The following MECOM variants were observed in gnomAD, a reference collection of about 807,000 sequenced individuals.
MECOM encodes the protein histone-lysine N-methyltransferase MECOM.
Under a neutral mutation model 116.3 loss-of-function variants are expected in MECOM, and 13 were observed. The observed-to-expected ratio is 0.11, with a 90% confidence interval of 0.07 to 0.18. MECOM has a LOEUF of 0.18. Among genes scored for constraint, MECOM ranks in the 10% least tolerant of loss-of-function variants. The pLI, the probability that MECOM is intolerant of heterozygous loss-of-function variation, is 1.00. For missense variants in MECOM, 1,299 were observed against 1,509.0 expected (o/e 0.86, Z 2.31); for synonymous variants, 528 against 535.2 (o/e 0.99, Z 0.19).
intron 1 of MECOM, among the ~76,000 whole-genome samples, chr3:169,438,395 C>T (rs1479437909): frequency 1.3e-5 from 2 of 152,084 alleles, no homozygotes; most frequent in Non-Finnish European, 2.9e-5. Context: ...CAGAGGTGGT[C>T]CCAGGAAACG....
chr3:169,125,956 GA>G (rs1290461363), intron 5 of MECOM, among the ~76,000 whole-genome samples: 1 of 151,904 alleles, frequency 6.6e-6, no homozygotes, highest in African/African-American at 2.4e-5. Context: ...TTCAATAAAG[GA>G]AAAAATATTC....
chr3:169,620,639 A>G (rs1232055878), intron 1 of MECOM, among the ~76,000 whole-genome samples: 1 of 152,220 alleles, frequency 6.6e-6, no homozygotes, highest in Admixed American at 6.5e-5. Context: ...AAGTAACCAC[A>G]GCCAAAATAC....
chr3:169,564,957 A>G (rs1300798445), intron 1 of MECOM, among the ~76,000 whole-genome samples: 2 of 152,246 alleles, frequency 1.3e-5, no homozygotes, highest in African/African-American at 2.4e-5. Flanking sequence ...TTGAAGAAGG[A>G]TGGTACAGGA....
At chr3:169,555,452 A>G (rs1761913483) in intron 1 of MECOM, among the ~76,000 whole-genome samples, 1 of 152,222 alleles carries the variant, frequency 6.6e-6, no homozygotes, top group Non-Finnish European at 1.5e-5. Context: ...AAATACTCCC[A>G]AGACCCCCAA....
intron 2 of MECOM, among the ~76,000 whole-genome samples, chr3:169,265,319 G>A (rs946686601): frequency 4.6e-5 from 7 of 152,140 alleles, no homozygotes; most frequent in African/African-American, 1.4e-4. Flanking sequence ...ACAGAGGACC[G>A]ACCTTGCTGT....
chr3:169,304,890 T>G lies in MECOM; in HGVS notation c.375+76297A>C, dbSNP rs370805024. ...CACTCAATTTCTCTCCTGAAGCTTG[T>G]GCTGAGTCCCTCCTACGTGCAAGGC... On this transcript the variant is annotated intron_variant, in intron 2 of 16. Transcript: ENST00000651503. 6.6e-5 allele frequency among the ~76,000 whole-genome samples: 10 copies of G among 152,362 alleles called. No individual in the cohort carries two copies. The East Asian group carries it at 1.7e-3, about 26-fold the overall frequency.
intron 2 of MECOM, among the ~76,000 whole-genome samples, chr3:169,311,052 A>T (rs899366277): frequency 6.6e-6 from 1 of 152,230 alleles, no homozygotes; most frequent in Non-Finnish European, 1.5e-5. Context: ...TTTGCTAACC[A>T]TGGCTGTGGC....
At chr3:169,401,025 A>G (rs1225882260) in intron 1 of MECOM, among the ~76,000 whole-genome samples, 1 of 152,202 alleles carries the variant, frequency 6.6e-6, no homozygotes, top group Non-Finnish European at 1.5e-5. Flanking sequence ...CTGAGGCACT[A>G]ATCAAGCGAC....
chr3:169,464,755 T>A (rs749979648), intron 1 of MECOM, among the ~76,000 whole-genome samples: 2 of 152,134 alleles, frequency 1.3e-5, no homozygotes, highest in African/African-American at 4.8e-5. Context: ...GCTATCCCAA[T>A]TCAGGTGAGA....
At chr3:169,145,962 C>T in intron 2 of MECOM, 1 of 218,582 alleles carries the variant, frequency 4.6e-6, no homozygotes, top group Non-Finnish European at 9.2e-6. Context: ...TAGCTTTCTC[C>T]AGAAACGTTT....
At chr3:169,255,323 A>G (rs1756737296) in intron 2 of MECOM, among the ~76,000 whole-genome samples, 1 of 152,148 alleles carries the variant, frequency 6.6e-6, no homozygotes, top group South Asian at 2.1e-4. Context: ...GTCATATGCC[A>G]TCTCTAAACT....
intron 2 of MECOM, among the ~76,000 whole-genome samples, chr3:169,283,202 C>A (rs1712495700): frequency 1.3e-5 from 2 of 151,922 alleles, no homozygotes; most frequent in African/African-American, 4.8e-5. Flanking sequence ...AAAATGAATA[C>A]ACTTATTACA....
chr3:169,505,418 G>A (rs542958672), intron 1 of MECOM, among the ~76,000 whole-genome samples: 1 of 151,356 alleles, frequency 6.6e-6, no homozygotes, highest in Non-Finnish European at 1.5e-5. Flanking sequence ...CTTTATTGGT[G>A]TACATTTGCA....
intron 2 of MECOM, among the ~76,000 whole-genome samples, chr3:169,168,186 G>C (rs1385480883): frequency 3.3e-5 from 5 of 151,934 alleles, no homozygotes; most frequent in African/African-American, 1.2e-4. Flanking sequence ...TTACCTTACA[G>C]TATAATCTGT....
chr3:169,228,045 C>T (rs1752952712), intron 2 of MECOM, among the ~76,000 whole-genome samples: 1 of 152,166 alleles, frequency 6.6e-6, no homozygotes, highest in African/African-American at 2.4e-5. Context: ...GTAGCTAGCC[C>T]TGTGCTCTCA....
At chr3:169,212,355 C>T (rs1381479252) in intron 2 of MECOM, among the ~76,000 whole-genome samples, 5 of 151,430 alleles carry the variant, frequency 3.3e-5, no homozygotes, top group South Asian at 2.1e-4. Context: ...AAAACTCAGA[C>T]GCTTTATACC....
At chr3:169,485,108 C>T (rs1200096978) in intron 1 of MECOM, among the ~76,000 whole-genome samples, 1 of 152,110 alleles carries the variant, frequency 6.6e-6, no homozygotes, top group African/African-American at 2.4e-5. Context: ...AATTCTCCTG[C>T]CTCAGTCTCC....
chr3:169,114,165 C>A (rs936082072), intron 8 of MECOM, among the ~76,000 whole-genome samples: 1 of 151,494 alleles, frequency 6.6e-6, no homozygotes, highest in Non-Finnish European at 1.5e-5. Flanking sequence ...GTGTGACATA[C>A]AATCTACACA....
chr3:169,205,226 G>A (rs569575941), intron 2 of MECOM, among the ~76,000 whole-genome samples: 2 of 152,154 alleles, frequency 1.3e-5, no homozygotes, highest in East Asian at 1.9e-4. Flanking sequence ...CAAAAACAGG[G>A]TTTATAATGG....
Sources: gnomAD v4.1 joint callset for allele counts (sites outside exome capture counted in the v4.1 genomes callset) on GRCh38, gnomAD v4.1.1 for gene constraint, MANE v1.5 for transcripts, NCBI Gene and HGNC (gene_info 2026-07-23, HGNC 2026-07-21) for gene names.